The following ENTREP2 variants were observed in gnomAD, a reference collection of about 807,000 sequenced individuals.
ENTREP2 encodes protein ENTREP2.
chr15:29,257,293 G>A, the ENTREP2 span, among the ~76,000 whole-genome samples: 1 of 152,012 alleles, frequency 6.6e-6, no homozygotes, highest in African/African-American at 2.4e-5. Flanking sequence ...GGCTGGTCTG[G>A]AACACCTGAC....
chr15:29,469,971 G>A, the ENTREP2 span, among the ~76,000 whole-genome samples: 1 of 152,000 alleles, frequency 6.6e-6, no homozygotes, highest in African/African-American at 2.4e-5. Context: ...AGTGCCCCTG[G>A]GTCATCAAAA....
At chr15:29,284,494 T>G in the ENTREP2 span, among the ~76,000 whole-genome samples, 1 of 150,394 alleles carries the variant, frequency 6.6e-6, no homozygotes, top group Non-Finnish European at 1.5e-5. Flanking sequence ...GAGGCAGAGG[T>G]TGCAGTGAGT....
At chr15:29,585,609 A>C in the ENTREP2 span, among the ~76,000 whole-genome samples, 4 of 151,068 alleles carry the variant, frequency 2.6e-5, no homozygotes, top group African/African-American at 9.7e-5. Context: ...GTAATTCCAG[A>C]ACTTTGGGAG....
At chr15:29,310,226 G>A in the ENTREP2 span, among the ~76,000 whole-genome samples, 2 of 152,196 alleles carry the variant, frequency 1.3e-5, no homozygotes, top group Admixed American at 6.5e-5. Context: ...GACAGAAGCT[G>A]AGAATTCGCA....
chr15:29,663,861 A>G, the ENTREP2 span, among the ~76,000 whole-genome samples: 1 of 152,058 alleles, frequency 6.6e-6, no homozygotes, highest in Non-Finnish European at 1.5e-5. Flanking sequence ...TTAAAGTATA[A>G]TTAAAAAAAA....
chr15:29,188,811 G>A, the ENTREP2 span, among the ~76,000 whole-genome samples: 1 of 152,174 alleles, frequency 6.6e-6, no homozygotes. Context: ...CTCCAGAGAA[G>A]GGACAGAGGC....
chr15:29,247,784 A>G, the ENTREP2 span, among the ~76,000 whole-genome samples: 1 of 152,308 alleles, frequency 6.6e-6, no homozygotes, highest in Non-Finnish European at 1.5e-5. Flanking sequence ...CTGGTAGGAC[A>G]GGTAAGCAAA....
the ENTREP2 span, among the ~76,000 whole-genome samples, chr15:29,603,742 G>A: frequency 6.6e-6 from 1 of 152,078 alleles, no homozygotes; most frequent in African/African-American, 2.4e-5. Context: ...GGGTTCAAGC[G>A]ATTCTCCTGC....
At chr15:29,270,159 T>C in the ENTREP2 span, among the ~76,000 whole-genome samples, 1 of 151,068 alleles carries the variant, frequency 6.6e-6, no homozygotes, top group Admixed American at 6.6e-5. Flanking sequence ...GGGCCGACCG[T>C]GGAAGTAAAG....
At chr15:29,405,154 C>G in the ENTREP2 span, among the ~76,000 whole-genome samples, 2 of 152,060 alleles carry the variant, frequency 1.3e-5, no homozygotes, top group African/African-American at 4.8e-5. Context: ...TTTGGGAGGC[C>G]GAGGCGGGCA....
chr15:29,261,384 T>C, the ENTREP2 span, among the ~76,000 whole-genome samples: 145 of 151,746 alleles, frequency 9.6e-4, 3 homozygotes, highest in African/African-American at 3.5e-3. Flanking sequence ...CTCTAAAAAG[T>C]TTTTTAAAAA....
the ENTREP2 span, among the ~76,000 whole-genome samples, chr15:29,671,020 G>A: frequency 6.6e-6 from 1 of 152,144 alleles, no homozygotes; most frequent in Non-Finnish European, 1.5e-5. Context: ...CCCACTCCCC[G>A]CAAACCTCCT....
At chr15:29,513,860 TA>T in the ENTREP2 span, among the ~76,000 whole-genome samples, 2 of 152,340 alleles carry the variant, frequency 1.3e-5, no homozygotes, top group East Asian at 3.9e-4. Context: ...AACACATTTA[TA>T]AAGTGCCTCA....
the ENTREP2 span, among the ~76,000 whole-genome samples, chr15:29,130,135 T>C: frequency 1.2e-4 from 19 of 152,164 alleles, no homozygotes; most frequent in Non-Finnish European, 2.6e-4. Flanking sequence ...ACAAAGGGTG[T>C]GAGCTGCCCC....
At chr15:29,160,214 G>A in the ENTREP2 span, among the ~76,000 whole-genome samples, 1 of 152,344 alleles carries the variant, frequency 6.6e-6, no homozygotes, top group East Asian at 1.9e-4. Flanking sequence ...ACTCCTGCTG[G>A]CCTGCAAGTA....
At chr15:29,313,810 G>T in the ENTREP2 span, among the ~76,000 whole-genome samples, 1 of 152,210 alleles carries the variant, frequency 6.6e-6, no homozygotes. Context: ...TAGTGATCCT[G>T]TAATAAATCT....
At chr15:29,256,526 A>G in the ENTREP2 span, among the ~76,000 whole-genome samples, 8 of 152,212 alleles carry the variant, frequency 5.3e-5, no homozygotes, top group Non-Finnish European at 1.0e-4. Context: ...ACAACTGCCG[A>G]AAAAAATGAC....
At chr15:29,136,468 G>C in the ENTREP2 span, 4 of 1,548,544 alleles carry the variant, frequency 2.6e-6, no homozygotes, top group Non-Finnish European at 3.5e-6. Context: ...ACAAAGTGCC[G>C]AATGGAGACG....
At chr15:29,587,565 C>T in the ENTREP2 span, among the ~76,000 whole-genome samples, 2 of 152,190 alleles carry the variant, frequency 1.3e-5, no homozygotes, top group Admixed American at 6.5e-5. Flanking sequence ...AGGAAAACAA[C>T]TCATTATCTT....
Sources: allele counts gnomAD v4.1 joint callset (sites outside exome capture counted in the v4.1 genomes callset), GRCh38; gene constraint gnomAD v4.1.1; transcripts MANE v1.5; gene names NCBI Gene and HGNC (gene_info 2026-07-23, HGNC 2026-07-21).